TBC1D12: variants seen among roughly 807,000 people sequenced by gnomAD.
TBC1D12 encodes the protein TBC1 domain family, member 12.
A neutral mutation model predicts 86.7 loss-of-function variants in TBC1D12; 56 were observed. The observed-to-expected ratio is 0.65, with a 90% CI of 0.52 to 0.81. The LOEUF (loss-of-function observed/expected upper bound fraction) is 0.81, where lower values mean the gene tolerates loss of function less well. Ranked by LOEUF, TBC1D12 falls within the 30% of genes least tolerant of loss-of-function variation. The pLI is 0.00. For missense variants in TBC1D12, 1,023 were observed against 1,038.8 expected, an observed-to-expected ratio of 0.98 and a Z score of 0.21; for synonymous variants, 421 against 411.7, an observed-to-expected ratio of 1.02 and a Z score of -0.27.
At chr10:94,494,382 C>G (rs1333579076) in intron 4 of TBC1D12, among the ~76,000 whole-genome samples, 6 of 151,952 alleles carry the variant, frequency 3.9e-5, no homozygotes, top group Non-Finnish European at 8.8e-5. Flanking sequence ...CTTTATGGTG[C>G]TATTTTGGAA....
intron 3 of TBC1D12, among the ~76,000 whole-genome samples, chr10:94,481,376 C>T (rs2056076549): frequency 6.6e-6 from 1 of 151,456 alleles, no homozygotes; most frequent in Non-Finnish European, 1.5e-5. Context: ...TTTAGAGTAG[C>T]CACCTTCATG....
At chr10:94,483,627 T>A (rs1211799041) in intron 3 of TBC1D12, among the ~76,000 whole-genome samples, 1 of 152,228 alleles carries the variant, frequency 6.6e-6, no homozygotes, top group African/African-American at 2.4e-5. Flanking sequence ...TCCCTGTGGA[T>A]ATATAAGCTT....
intron 1 of TBC1D12, among the ~76,000 whole-genome samples, chr10:94,433,397 G>A (rs2055246514): frequency 6.6e-6 from 1 of 152,082 alleles, no homozygotes; most frequent in Non-Finnish European, 1.5e-5. Context: ...GGGATTACAG[G>A]CATGAGTCAC....
intron 1 of TBC1D12, among the ~76,000 whole-genome samples, chr10:94,435,904 C>G (rs1335783660): frequency 6.6e-6 from 1 of 152,160 alleles, no homozygotes; most frequent in East Asian, 1.9e-4. Flanking sequence ...GCCGGAGGTC[C>G]CGATACTATT....
chr10:94,458,191 CATTAATGG>C (rs2055657476), intron 2 of TBC1D12, among the ~76,000 whole-genome samples: 1 of 151,876 alleles, frequency 6.6e-6, no homozygotes, highest in African/African-American at 2.4e-5. Context: ...AGGATTAATC[CATTAATGG>C]ATTAATGGAT....
intron 1 of TBC1D12, among the ~76,000 whole-genome samples, chr10:94,408,729 T>TA (rs1202080411): frequency 2.6e-5 from 4 of 151,046 alleles, no homozygotes; most frequent in Non-Finnish European, 5.9e-5. Flanking sequence ...TCAACTAAAA[T>TA]AAAAAACGAC....
chr10:94,411,547 A>C (rs2054927715), intron 1 of TBC1D12, among the ~76,000 whole-genome samples: 1 of 152,184 alleles, frequency 6.6e-6, no homozygotes, highest in African/African-American at 2.4e-5. Flanking sequence ...GCAAGACCCC[A>C]TCTCATTTTA....
intron 9 of TBC1D12, among the ~76,000 whole-genome samples, chr10:94,520,817 G>A (rs1323688635): frequency 5.9e-5 from 9 of 151,754 alleles, no homozygotes; most frequent in East Asian, 2.0e-4. Flanking sequence ...CTGCCACCAC[G>A]CCCGGTTAAT....
intron 3 of TBC1D12, among the ~76,000 whole-genome samples, chr10:94,485,660 G>A (rs2056150390): frequency 6.6e-6 from 1 of 151,344 alleles, no homozygotes; most frequent in Admixed American, 6.6e-5. Context: ...AATTTGAGTA[G>A]GATTGTTGTC....
intron 11 of TBC1D12, among the ~76,000 whole-genome samples, chr10:94,527,599 G>T (rs972532912): frequency 1.3e-5 from 2 of 151,678 alleles, no homozygotes; most frequent in Non-Finnish European, 2.9e-5. Flanking sequence ...TGGTTTTGGT[G>T]CCTATACTTC....
intron 8 of TBC1D12, among the ~76,000 whole-genome samples, chr10:94,511,281 A>C (rs2056523637): frequency 6.6e-6 from 1 of 151,682 alleles, no homozygotes. Flanking sequence ...TATTTGTAGT[A>C]GAGATGGGGT....
At chr10:94,465,248 C>G (rs566627163) in intron 2 of TBC1D12, among the ~76,000 whole-genome samples, 24 of 152,194 alleles carry the variant, frequency 1.6e-4, no homozygotes, top group Admixed American at 4.6e-4. Flanking sequence ...GCACCAGATA[C>G]GTAGATCTTC....
chr10:94,420,933 G>A (rs2134062227), intron 1 of TBC1D12, among the ~76,000 whole-genome samples: 1 of 152,148 alleles, frequency 6.6e-6, no homozygotes, highest in East Asian at 1.9e-4. Context: ...TATGCATTGT[G>A]GAATAATCAA....
chr10:94,415,327 G>A (rs1007899310), intron 1 of TBC1D12, among the ~76,000 whole-genome samples: 2 of 152,100 alleles, frequency 1.3e-5, no homozygotes, highest in African/African-American at 4.8e-5. Context: ...ACTTTTTAAC[G>A]TTATTGGTAC....
intron 2 of TBC1D12, among the ~76,000 whole-genome samples, chr10:94,470,725 T>G (rs989186912): frequency 6.8e-6 from 1 of 147,776 alleles, no homozygotes; most frequent in African/African-American, 2.5e-5. Context: ...TTTTTTTTAA[T>G]CCAGGAGTGC....
intron 11 of TBC1D12, among the ~76,000 whole-genome samples, chr10:94,530,937 G>T (rs1053718672): frequency 2.2e-4 from 30 of 138,018 alleles, no homozygotes; most frequent in African/African-American, 7.7e-4. Flanking sequence ...TCAGCTCGCT[G>T]CAACCTCCGC....
chr10:94,404,071 T>A (rs1437393280), intron 1 of TBC1D12, among the ~76,000 whole-genome samples: 1 of 152,226 alleles, frequency 6.6e-6, no homozygotes, highest in East Asian at 1.9e-4. Context: ...GCTGTTTATT[T>A]GCTGTGCTTG....
intron 12 of TBC1D12, among the ~76,000 whole-genome samples, chr10:94,531,906 GTTATT>G (rs1354159012): frequency 2.4e-4 from 36 of 149,382 alleles, no homozygotes; most frequent in East Asian, 1.8e-3. Context: ...GTTATGTTAT[GTTATT>G]TTATTGTCAC....
At chr10:94,419,088 T>C (rs1459372339) in intron 1 of TBC1D12, among the ~76,000 whole-genome samples, 1 of 151,986 alleles carries the variant, frequency 6.6e-6, no homozygotes, top group East Asian at 2.0e-4. Flanking sequence ...TTGGCGAGAA[T>C]AGTCTTGATC....
Sources: gnomAD v4.1 joint callset for allele counts (sites outside exome capture counted in the v4.1 genomes callset) on GRCh38, gnomAD v4.1.1 for gene constraint, MANE v1.5 for transcripts, NCBI Gene and HGNC (gene_info 2026-07-23, HGNC 2026-07-21) for gene names.